Variants in METTL16 observed in about 807,000 individuals in gnomAD.
METTL16 encodes the protein methyltransferase 16, RNA N6-adenosine, also known as RNA N(6)-adenosine-methyltransferase METTL16.
In METTL16, 19 loss-of-function variants were observed where a neutral mutation model predicts 57.9. That is an observed-to-expected ratio of 0.33 (90% CI 0.23 to 0.48). The LOEUF (loss-of-function observed/expected upper bound fraction) is 0.48. Among genes scored for constraint, METTL16 ranks in the 20% least tolerant of loss-of-function variants. METTL16 has a pLI of 0.99. For missense variants in METTL16, 434 were observed against 691.5 expected (o/e 0.63, Z 4.18); for synonymous variants, 246 against 255.6 (o/e 0.96, Z 0.36).
intron 2 of METTL16, among the ~76,000 whole-genome samples, chr17:2,492,071 C>T (rs767299365): frequency 4.4e-4 from 66 of 150,920 alleles, no homozygotes; most frequent in Non-Finnish European, 6.2e-4. Context: ...ATTAGCCGGG[C>T]GTGGTGGCGG....
At chr17:2,473,927 T>G (rs2067252282) in intron 3 of METTL16, among the ~76,000 whole-genome samples, 1 of 152,130 alleles carries the variant, frequency 6.6e-6, no homozygotes, top group Non-Finnish European at 1.5e-5. Context: ...TCTGTAATTT[T>G]TGTATTTTTT....
intron 6 of METTL16, among the ~76,000 whole-genome samples, chr17:2,454,458 T>C (rs1471222014): frequency 3.3e-5 from 5 of 152,000 alleles, no homozygotes; most frequent in Non-Finnish European, 7.4e-5. Context: ...TAAACTATCA[T>C]AAATTTCGAA....
chr17:2,424,062 C>T (rs1479937211), intron 8 of METTL16: 1 of 151,900 alleles, frequency 6.6e-6, no homozygotes, highest in Non-Finnish European at 1.5e-5. Context: ...ACTTGATATT[C>T]CTGAAGATTT....
chr17:2,427,174 T>A (rs903629033), intron 8 of METTL16, among the ~76,000 whole-genome samples: 7 of 152,104 alleles, frequency 4.6e-5, no homozygotes. Flanking sequence ...AAAGGAATGA[T>A]AAATTATAAA....
In METTL16 at chr17:2,417,087, A is replaced by ATTTTTTTTTTTTTTTTTTTT. The variant is rs1567876454; in HGVS notation, c.*2882_*2883insAAAAAAAAAAAAAAAAAAAA. On this transcript the variant is annotated 3_prime_UTR_variant, in exon 10 of 10. Coordinates refer to ENST00000263092, the MANE Select transcript of METTL16 (RefSeq NM_024086.4). ...TTTTTTTTTTTTTTTTTTTTTTTTG[A>ATTTTTTTTTTTTTTTTTTTT]GACAGTCCCACTTTGTCGCCCAGGC... 8.8e-5 allele frequency: 1 copy of ATTTTTTTTTTTTTTTTTTTT among 11,366 alleles called. No homozygotes were observed. Among genetic ancestry groups the ATTTTTTTTTTTTTTTTTTTT allele is most frequent in the African/African-American group, 3.0e-4 (1 of 3,386 alleles). The allele number at this position is 11,366 out of a possible 1,614,324, so 0.7% of individuals were successfully genotyped here. A position where few individuals can be genotyped will look rare whatever the true frequency, so the allele number is the denominator to read the frequency against.
intron 8 of METTL16, among the ~76,000 whole-genome samples, chr17:2,432,919 C>G (rs533065399): frequency 6.6e-6 from 1 of 152,162 alleles, no homozygotes; most frequent in Admixed American, 6.5e-5. Flanking sequence ...TGAAGTTTAG[C>G]GAAGTTAAGT....
chr17:2,505,466 A>C (rs9902266), intron 1 of METTL16, among the ~76,000 whole-genome samples: 122,651 of 142,962 alleles, frequency 0.86, 52,875 homozygotes, highest in Non-Finnish European at 0.93. Flanking sequence ...CCAGGTTGGT[A>C]TTGAACTCCT....
chr17:2,438,627 G>C (rs56218066), intron 7 of METTL16, among the ~76,000 whole-genome samples: 27 of 152,036 alleles, frequency 1.8e-4, no homozygotes, highest in Non-Finnish European at 3.7e-4. Flanking sequence ...TCAGCCTCCC[G>C]AGTGGCTGGG....
intron 6 of METTL16, among the ~76,000 whole-genome samples, chr17:2,445,069 C>A (rs1045504505): frequency 2.0e-5 from 3 of 152,126 alleles, no homozygotes; most frequent in East Asian, 3.9e-4. Flanking sequence ...CCACAATGGT[C>A]TCCATCTCCT....
intron 2 of METTL16, among the ~76,000 whole-genome samples, chr17:2,479,989 C>T (rs2067293529): frequency 1.3e-5 from 2 of 151,896 alleles, no homozygotes. Flanking sequence ...GAGTTCGAGA[C>T]CAGCCTGACC....
chr17:2,468,099 G>A (rs115634612), intron 4 of METTL16, among the ~76,000 whole-genome samples: 250 of 152,302 alleles, frequency 1.6e-3, no homozygotes, highest in African/African-American at 5.5e-3. Flanking sequence ...GTGACATACT[G>A]TTCAGGTTAT....
At chr17:2,499,810 G>A (rs1352357094) in intron 2 of METTL16, among the ~76,000 whole-genome samples, 1 of 152,138 alleles carries the variant, frequency 6.6e-6, no homozygotes, top group Non-Finnish European at 1.5e-5. Context: ...CTGAAGTGCA[G>A]TGGCATGATC....
At chr17:2,463,555 G>A (rs1315254126) in intron 6 of METTL16, among the ~76,000 whole-genome samples, 3 of 151,954 alleles carry the variant, frequency 2.0e-5, no homozygotes, top group Admixed American at 1.3e-4. Flanking sequence ...TCTGCCTCCT[G>A]GGTTCAAGCG....
At chr17:2,471,736 C>T (rs2067236776) in intron 4 of METTL16, among the ~76,000 whole-genome samples, 1 of 151,958 alleles carries the variant, frequency 6.6e-6, no homozygotes, top group Non-Finnish European at 1.5e-5. Context: ...TGCAATGAGC[C>T]GAGATTGCGC....
At chr17:2,475,417 T>C (rs1013662489) in intron 3 of METTL16, 2 of 152,172 alleles carry the variant, frequency 1.3e-5, no homozygotes, top group African/African-American at 4.8e-5. Context: ...TAAGAACATG[T>C]CAGTTGTACT....
Position 2,489,732 on chromosome 17 carries a change from C to CA in METTL16, c.129-11848dup, listed in dbSNP as rs61506042. 9.9e-4 allele frequency among the ~76,000 whole-genome samples: 60 copies of CA among 60,322 alleles called. 5 individuals are homozygous for CA. In the South Asian group the frequency reaches 0.036, roughly 36 times the overall value. The allele number at this position is 60,322 out of a possible 152,430, so 39.6% of individuals were successfully genotyped here. ...CCAGCCTGGATGACAGAGCGAGACT[C>CA]AAAAAAAAAAAAAAAAACGAATACT... On this transcript the variant is annotated intron_variant, in intron 2 of 9. Coordinates refer to ENST00000263092, the MANE Select transcript of METTL16 (RefSeq NM_024086.4).
At chr17:2,439,697 T>C in intron 7 of METTL16, among the ~76,000 whole-genome samples, 1 of 152,198 alleles carries the variant, frequency 6.6e-6, no homozygotes, top group East Asian at 1.9e-4. Flanking sequence ...CCAGGTTTTT[T>C]GATTTCTGGC....
At chr17:2,465,046 A>G (rs2067181486) in intron 5 of METTL16, among the ~76,000 whole-genome samples, 1 of 152,234 alleles carries the variant, frequency 6.6e-6, no homozygotes, top group African/African-American at 2.4e-5. Flanking sequence ...TTGCTTATAA[A>G]GAATGCTTAC....
rs565853874 is a variant in METTL16, at chr17:2,420,805, G to T, written c.988C>A (p.Pro330Thr). The change falls in exon 9 of 10, where the codon CCT (proline) becomes ACT (threonine). Residue 330 changes from proline to threonine, a missense_variant. Coordinates refer to ENST00000263092, the MANE Select transcript of METTL16 (RefSeq NM_024086.4). This position sits in a 1 kb window ranked among gnomAD's most constrained non-coding sequence, Gnocchi z 5.4. Reference sequence around the variant, plus strand: ...CCTTCCGCCGTCTCCGAGCGCAGAGGTGATGCTTTGAGGGATAATTCCTTC... The same window carrying T: ...CCTTCCGCCGTCTCCGAGCGCAGAGTTGATGCTTTGAGGGATAATTCCTTC... ...VMKELSLKAS[P>T]LRSETAEGIV... 1.2e-6 allele frequency: 2 copies of T among 1,614,238 alleles called. No homozygotes were observed. Among genetic ancestry groups the T allele is most frequent in the East Asian group, 4.5e-5 (2 of 44,892 alleles).
Sources: allele counts gnomAD v4.1 joint callset (sites outside exome capture counted in the v4.1 genomes callset), GRCh38; gene constraint gnomAD v4.1.1; non-coding constraint Gnocchi (gnomAD v3.1); transcripts MANE v1.5; gene names NCBI Gene and HGNC (gene_info 2026-07-23, HGNC 2026-07-21).